The following CSMD2 variants were observed in gnomAD, a reference collection of about 807,000 sequenced individuals.
CSMD2 encodes CUB and Sushi multiple domains 2, also known as CUB and sushi domain-containing protein 2.
A neutral mutation model predicts 398.5 loss-of-function variants in CSMD2; 130 were observed. That is an observed-to-expected ratio of 0.33 (90% confidence interval 0.28 to 0.38). CSMD2 has a LOEUF of 0.38. CSMD2 is among the 10% of genes least tolerant of loss of function. CSMD2 has a pLI of 1.00. For synonymous variants in CSMD2, 1,828 were observed against 1,908.5 expected (o/e 0.96, Z 1.10); for missense variants, 3,829 against 4,764.9 (o/e 0.80, Z 5.78).
chr1:33,605,761 G>T, intron 41 of CSMD2: 1 of 950,200 alleles, frequency 1.1e-6, no homozygotes, highest in Non-Finnish European at 1.6e-6. Context: ...GTAGGAAAAG[G>T]AGGCTCAAGG....
intron 56 of CSMD2, among the ~76,000 whole-genome samples, chr1:33,548,851 T>G (rs1475818461): frequency 6.6e-6 from 1 of 152,210 alleles, no homozygotes; most frequent in Non-Finnish European, 1.5e-5. Context: ...TGCCTATCAC[T>G]TCTACCAGAT....
chr1:34,150,984 G>A (rs918835639), intron 1 of CSMD2, among the ~76,000 whole-genome samples: 1 of 152,108 alleles, frequency 6.6e-6, no homozygotes, highest in Non-Finnish European at 1.5e-5. Context: ...GCTGATAAAG[G>A]GGGGGCGGGG....
intron 3 of CSMD2, among the ~76,000 whole-genome samples, chr1:34,023,774 T>TTACCCCATTTTTCA (rs1168619931): frequency 6.6e-6 from 1 of 152,098 alleles, no homozygotes; most frequent in African/African-American, 2.4e-5. Flanking sequence ...GGAGAGAAAA[T>TTACCCCATTTTTCA]TACCCCATTT....
chr1:33,515,318 C>T lies in CSMD2; in HGVS notation c.*1306G>A, dbSNP rs979733130. 1 of 152,250 alleles carries T rather than the reference C, an allele frequency of 6.6e-6. No homozygotes were observed. The highest frequency in any genetic ancestry group is 1.5e-5 in the Non-Finnish European group (1 of 68,080). The allele number at this position is 152,250 out of a possible 1,614,324, so 9.4% of individuals were successfully genotyped here. Reference sequence around the variant, plus strand: ...CCGTGGGAGGCCTGGGGAGTTGAATCCTTGCCCCGAAGCTGCCTACGCGGA... The same window carrying T: ...CCGTGGGAGGCCTGGGGAGTTGAATTCTTGCCCCGAAGCTGCCTACGCGGA... On this transcript the variant is annotated 3_prime_UTR_variant, in exon 71 of 71. Coordinates refer to ENST00000373381, the MANE Select transcript of CSMD2 (RefSeq NM_001281956.2).
Position 33,934,308 on chromosome 1 carries a change from A to G in CSMD2, c.712+1452T>C, listed in dbSNP as rs145106667. ...CGTTACTAGAAGAAAAGAGTGGTCA[A>G]TAGTGCAAAGGTTTCTTAAGAGGTC... On this transcript the variant is annotated intron_variant, in intron 4 of 70. Coordinates refer to ENST00000373381, the MANE Select transcript of CSMD2 (RefSeq NM_001281956.2). Among the ~76,000 whole-genome samples, 1,081 of 152,338 alleles carry G rather than the reference A, an allele frequency of 7.1e-3. 9 individuals are homozygous for G. The highest frequency in any genetic ancestry group is 0.011 in the Non-Finnish European group (781 of 68,020).
At chr1:33,575,235 G>A (rs890144858) in intron 49 of CSMD2, among the ~76,000 whole-genome samples, 1 of 151,150 alleles carries the variant, frequency 6.6e-6, no homozygotes, top group African/African-American at 2.5e-5. Flanking sequence ...GAAGGAGAGA[G>A]AAGGCATTAG....
At position 33,709,174 on chromosome 1, in the gene CSMD2, C is replaced by T; in HGVS notation, c.3491G>A (p.Cys1164Tyr). Residue 1164 changes from cysteine to tyrosine, a missense_variant, in exon 22 of 71, where the codon TGC becomes TAC. Cys to Tyr is a radical substitution (Grantham distance 194). Transcript: ENST00000373381. ...TGGCTGGGTCTGGATGGAGTAGATG[C>T]ATTCATGATTGTTATTGTAGTTCAC... is the stretch of plus-strand genomic sequence containing the variant. Reference protein sequence around the residue: ...FPVNYNNNHECIYSIQTQPGK... With the variant: ...FPVNYNNNHEYIYSIQTQPGK... The T allele has an allele frequency of 6.2e-7, 1 of 1,613,984 alleles. No individual in the cohort carries two copies. The highest frequency in any genetic ancestry group is 8.5e-7 in the Non-Finnish European group (1 of 1,179,858).
chr1:34,013,711 G>A (rs565138706), intron 3 of CSMD2, among the ~76,000 whole-genome samples: 3 of 152,278 alleles, frequency 2.0e-5, no homozygotes, highest in African/African-American at 7.2e-5. Context: ...AAGGGGCAAA[G>A]GGCACTCTCT....
Position 33,626,523 on chromosome 1 carries a change from GC to G in CSMD2, c.5258del (p.Gly1753AlafsTer130). ...NQVLIKFSAKGLAPARGFHFV... is the reference protein window; with the variant it reads ...NQVLIKFSAKXLAPARGFHFV... ...AGTGGAAGCCTCTGGCTGGTGCGAGGCCTTTGGCGCTGAACTTAATGAGAAC... is the reference window on the plus strand; with the variant it reads ...AGTGGAAGCCTCTGGCTGGTGCGAGGCTTTGGCGCTGAACTTAATGAGAAC... On this transcript the variant is annotated frameshift_variant, in exon 33 of 71. Coordinates refer to ENST00000373381, the MANE Select transcript of CSMD2 (RefSeq NM_001281956.2). LOFTEE classifies it high-confidence loss of function. 6.2e-7 allele frequency: 1 copy of G among 1,609,322 alleles called. No individual in the cohort carries two copies. Among genetic ancestry groups the G allele is most frequent in the Non-Finnish European group, 8.5e-7 (1 of 1,178,230 alleles).
At chr1:33,517,936 G>A (rs1313254726) in intron 70 of CSMD2, among the ~76,000 whole-genome samples, 1 of 152,244 alleles carries the variant, frequency 6.6e-6, no homozygotes, top group Non-Finnish European at 1.5e-5. Flanking sequence ...GGTGGCCTTT[G>A]CAGGCACCCT....
At chr1:33,793,140 G>A (rs1332887171) in intron 10 of CSMD2, among the ~76,000 whole-genome samples, 1 of 152,226 alleles carries the variant, frequency 6.6e-6, no homozygotes, top group Non-Finnish European at 1.5e-5. Context: ...AAGAAGGGGA[G>A]ATAGAAATGC....
rs74752775 is a variant in CSMD2 at position 33,966,014 on chromosome 1, G to A, written c.518-30060C>T. On this transcript the variant is annotated intron_variant, in intron 3 of 70. Transcript: ENST00000373381. ...ATAAGTCCAGTGGCCAAGGAACGAG[G>A]TGGAATGGCATGAGCTTAGTGGAAG... Among the ~76,000 whole-genome samples, 1,500 of 152,326 alleles carry A rather than the reference G, an allele frequency of 9.8e-3. 23 individuals are homozygous for A. Among genetic ancestry groups the A allele is most frequent in the African/African-American group, 0.035 (1,439 of 41,574 alleles).
intron 3 of CSMD2, among the ~76,000 whole-genome samples, chr1:34,006,426 T>G (rs1338486300): frequency 1.3e-5 from 2 of 152,076 alleles, no homozygotes; most frequent in Non-Finnish European, 2.9e-5. Context: ...ACCCCAGATC[T>G]CATTACCTGA....
intron 15 of CSMD2, among the ~76,000 whole-genome samples, chr1:33,728,188 T>C (rs1646602030): frequency 6.6e-6 from 1 of 152,124 alleles, no homozygotes; most frequent in Non-Finnish European, 1.5e-5. Flanking sequence ...TGTACTCCCT[T>C]ACTATGGAGC....
chr1:33,803,251 T>C, intron 10 of CSMD2, among the ~76,000 whole-genome samples: 1 of 152,210 alleles, frequency 6.6e-6, no homozygotes, highest in Non-Finnish European at 1.5e-5. Context: ...TTCTGAATTT[T>C]CTTATTCTCT....
chr1:34,126,674 G>T (rs1206424149), intron 1 of CSMD2, among the ~76,000 whole-genome samples: 1 of 152,188 alleles, frequency 6.6e-6, no homozygotes, highest in Non-Finnish European at 1.5e-5. Flanking sequence ...GACACTGCAG[G>T]AGGGAGTGGA....
intron 3 of CSMD2, among the ~76,000 whole-genome samples, chr1:34,003,472 C>T (rs976343316): frequency 6.6e-6 from 1 of 152,094 alleles, no homozygotes; most frequent in Non-Finnish European, 1.5e-5. Flanking sequence ...AGACTGCAGG[C>T]GCTGAGGGAT....
intron 1 of CSMD2, among the ~76,000 whole-genome samples, chr1:34,116,294 T>A (rs1333191284): frequency 6.6e-6 from 1 of 151,904 alleles, no homozygotes; most frequent in South Asian, 2.1e-4. Flanking sequence ...AGTGATAGAA[T>A]AGAAAAAGAT....
At position 33,624,610 on chromosome 1, in the gene CSMD2, C is replaced by T. The variant is rs1265339445; in HGVS notation, c.5534G>A (p.Gly1845Asp). 1 of 1,613,660 alleles carries T rather than the reference C, an allele frequency of 6.2e-7. No homozygotes were observed. Residue 1845 changes from glycine to aspartate, a missense_variant, in exon 35 of 71, where the codon GGC becomes GAC. Gly to Asp is a moderately conservative substitution (Grantham distance 94). Around this residue, in one of 5 missense-constraint regions of CSMD2, gnomAD observed 2,001 missense variants for 2,567.1 expected, o/e 0.78. Coordinates refer to ENST00000373381, the MANE Select transcript of CSMD2 (RefSeq NM_001281956.2). The surrounding 1 kb of genome is among the most constrained non-coding windows in gnomAD (Gnocchi z 4.7). ...PCGGNLTERR[G>D]TILSPGFPEP... is the part of the protein sequence containing the mutation. Reference sequence around the variant, plus strand: ...TGGGAAGCCAGGGGACAGGATGGTGCCCCTGCGCTCTGTGAGGTTGCCTCC... The same window carrying T: ...TGGGAAGCCAGGGGACAGGATGGTGTCCCTGCGCTCTGTGAGGTTGCCTCC...
Sources: allele counts gnomAD v4.1 joint callset (sites outside exome capture counted in the v4.1 genomes callset), GRCh38; gene constraint gnomAD v4.1.1; regional missense constraint gnomAD v4.1.1; non-coding constraint Gnocchi (gnomAD v3.1); transcripts MANE v1.5; gene names NCBI Gene and HGNC (gene_info 2026-07-23, HGNC 2026-07-21).